Variants in CNTNAP5 observed in about 807,000 individuals in gnomAD.
CNTNAP5 encodes contactin associated protein family member 5, also known as contactin-associated protein-like 5.
CNTNAP5 carries 72 observed loss-of-function variants against 150.2 expected under a neutral mutation model. The observed-to-expected ratio is 0.48, with a 90% CI of 0.40 to 0.58. The LOEUF (loss-of-function observed/expected upper bound fraction) is 0.58, where lower values mean the gene tolerates loss of function less well. Among genes scored for constraint, CNTNAP5 ranks in the 20% least tolerant of loss-of-function variants. The pLI is 0.00. For synonymous variants in CNTNAP5, 672 were observed against 619.8 expected, an observed-to-expected ratio of 1.08 and a Z score of -1.25; for missense variants, 1,636 against 1,626.2, an observed-to-expected ratio of 1.01 and a Z score of -0.10.
chr2:124,694,548 T>C (rs770059769), intron 13 of CNTNAP5, among the ~76,000 whole-genome samples: 1 of 152,198 alleles, frequency 6.6e-6, no homozygotes, highest in East Asian at 1.9e-4. Context: ...CTGATTATAA[T>C]ACATGTAAAC....
intron 8 of CNTNAP5, among the ~76,000 whole-genome samples, chr2:124,512,670 C>T (rs555585867): frequency 6.6e-6 from 1 of 152,306 alleles, no homozygotes; most frequent in Admixed American, 6.5e-5. Flanking sequence ...ACATTTCACT[C>T]TTTCGATAAT....
intron 3 of CNTNAP5, among the ~76,000 whole-genome samples, chr2:124,246,487 T>C (rs2104774126): frequency 6.6e-6 from 1 of 152,222 alleles, no homozygotes; most frequent in East Asian, 1.9e-4. Flanking sequence ...TCTTCCTGAT[T>C]GGTGTGTAGA....
At chr2:124,186,898 T>G (rs1685346366) in intron 1 of CNTNAP5, among the ~76,000 whole-genome samples, 1 of 152,204 alleles carries the variant, frequency 6.6e-6, no homozygotes. Context: ...GCAAACTCAG[T>G]GTGTTGAGTG....
At chr2:124,741,880 C>G (rs1448093407) in intron 13 of CNTNAP5, among the ~76,000 whole-genome samples, 2 of 152,132 alleles carry the variant, frequency 1.3e-5, no homozygotes, top group East Asian at 3.9e-4. Flanking sequence ...AACTTACACT[C>G]TCTTTATAAG....
intron 10 of CNTNAP5, among the ~76,000 whole-genome samples, chr2:124,550,445 A>G (rs1695601854): frequency 6.6e-6 from 1 of 152,190 alleles, no homozygotes; most frequent in South Asian, 2.1e-4. Flanking sequence ...AATTATTTCT[A>G]TTCATAGTGG....
At chr2:124,524,168 G>C in intron 8 of CNTNAP5, 135 bp from the exon 9 acceptor site, 1 of 725,320 alleles carries the variant, frequency 1.4e-6, no homozygotes, top group Non-Finnish European at 2.3e-6. Flanking sequence ...TCTTCCAAGG[G>C]CTTGTATCCA....
rs146227178 is a variant in CNTNAP5, at chr2:124,098,728, AAAAC to A, written c.82+73015_82+73018del. The stretch of plus-strand genomic sequence containing the variant: ...TACTCTCTGTGTCTGGCGTTGAGAA[AAAAC>A]AAACAAACAAACAAACAACTGATAA... On this transcript the variant is annotated intron_variant, in intron 1 of 23. Transcript: ENST00000682447. Among the ~76,000 whole-genome samples, 901 of 152,060 alleles carry A rather than the reference AAAAC, an allele frequency of 5.9e-3. 10 individuals are homozygous for A. The highest frequency in any genetic ancestry group is 0.021 in the African/African-American group (860 of 41,512).
intron 1 of CNTNAP5, among the ~76,000 whole-genome samples, chr2:124,147,692 G>T (rs1684288336): frequency 6.6e-6 from 1 of 152,224 alleles, no homozygotes; most frequent in Non-Finnish European, 1.5e-5. Context: ...GGATGGAACG[G>T]CTCTAACTAG....
intron 3 of CNTNAP5, among the ~76,000 whole-genome samples, chr2:124,342,651 C>T (rs985878619): frequency 6.6e-6 from 1 of 151,902 alleles, no homozygotes; most frequent in African/African-American, 2.4e-5. Context: ...TGAGAATACT[C>T]AGGAATAATT....
chr2:124,539,222 A>T (rs554556891), intron 10 of CNTNAP5, among the ~76,000 whole-genome samples: 1 of 152,366 alleles, frequency 6.6e-6, no homozygotes, highest in East Asian at 1.9e-4. Context: ...GCTCTATGCT[A>T]CTTACATTTT....
At chr2:124,645,338 T>C (rs747920134) in intron 12 of CNTNAP5, among the ~76,000 whole-genome samples, 1 of 152,212 alleles carries the variant, frequency 6.6e-6, no homozygotes, top group Non-Finnish European at 1.5e-5. Flanking sequence ...CCCAGCACTT[T>C]GGCAGGTTGT....
intron 13 of CNTNAP5, among the ~76,000 whole-genome samples, chr2:124,701,253 A>G (rs895289882): frequency 3.3e-5 from 5 of 152,036 alleles, no homozygotes; most frequent in African/African-American, 1.2e-4. Context: ...TTTAGGATCT[A>G]CCTATAAGTG....
intron 2 of CNTNAP5, among the ~76,000 whole-genome samples, chr2:124,223,316 G>A (rs1439590646): frequency 6.6e-6 from 1 of 152,112 alleles, no homozygotes; most frequent in Non-Finnish European, 1.5e-5. Flanking sequence ...GTTCAAATGC[G>A]AGCTATGCCA....
intron 3 of CNTNAP5, among the ~76,000 whole-genome samples, chr2:124,246,100 A>G (rs2104773601): frequency 6.6e-6 from 1 of 152,154 alleles, no homozygotes; most frequent in African/African-American, 2.4e-5. Context: ...CAAATTTTAG[A>G]TAATATATAG....
At chr2:124,843,193 A>G (rs1239959245) in intron 19 of CNTNAP5, among the ~76,000 whole-genome samples, 2 of 152,098 alleles carry the variant, frequency 1.3e-5, no homozygotes, top group African/African-American at 2.4e-5. Context: ...TTATAATAAT[A>G]GTTTCCAATT....
chr2:124,865,478 G>C, intron 20 of CNTNAP5, 42 bp downstream of exon 20: 1 of 1,545,086 alleles, frequency 6.5e-7, no homozygotes, highest in South Asian at 1.2e-5. Flanking sequence ...ATGTGCCTTG[G>C]CTACTCTATC....
chr2:124,149,760 C>T (rs1684358798), intron 1 of CNTNAP5, among the ~76,000 whole-genome samples: 1 of 152,170 alleles, frequency 6.6e-6, no homozygotes, highest in African/African-American at 2.4e-5. Flanking sequence ...AATAAAACTC[C>T]TCCCATTTTT....
chr2:124,542,694 T>C (rs1695415451), intron 10 of CNTNAP5, among the ~76,000 whole-genome samples: 1 of 152,188 alleles, frequency 6.6e-6, no homozygotes, highest in Non-Finnish European at 1.5e-5. Flanking sequence ...CACTTTCTTC[T>C]TATATTTTGT....
chr2:124,299,383 A>G (rs554573204), intron 3 of CNTNAP5, among the ~76,000 whole-genome samples: 13 of 152,036 alleles, frequency 8.6e-5, no homozygotes, highest in Non-Finnish European at 1.5e-4. Context: ...TTTCCCTTCT[A>G]TGTATCCATG....
Sources: gnomAD v4.1 joint callset for allele counts (sites outside exome capture counted in the v4.1 genomes callset) on GRCh38, gnomAD v4.1.1 for gene constraint, MANE v1.5 for transcripts, NCBI Gene and HGNC (gene_info 2026-07-23, HGNC 2026-07-21) for gene names.